The following KCNG2 variants were observed in gnomAD, a reference collection of about 807,000 sequenced individuals.
KCNG2 encodes potassium voltage-gated channel modifier subfamily G member 2, also known as voltage-gated potassium channel regulatory subunit KCNG2.
KCNG2 carries 7 observed loss-of-function variants against 12.3 expected under a neutral mutation model. The ratio of observed to expected loss-of-function variants is 0.57; its 90% CI spans 0.32 to 1.07. The LOEUF is 1.07. KCNG2 is among the 50% of genes least tolerant of loss of function. The probability of loss-of-function intolerance (pLI) is 0.04; values close to 1 mark genes in which losing one functional copy is unlikely to be tolerated. For synonymous variants in KCNG2, 414 were observed against 351.4 expected (o/e 1.18, Z -1.99); for missense variants, 703 against 726.0 (o/e 0.97, Z 0.36).
intron 3 of KCNG2, among the ~76,000 whole-genome samples, chr18:79,864,748 A>G (rs1481186920): frequency 6.6e-6 from 1 of 151,954 alleles, no homozygotes; most frequent in African/African-American, 2.4e-5. Flanking sequence ...GCTTCTGGCT[A>G]TGGAACCGAG....
At chr18:79,827,956 C>T (rs534527679) in intron 1 of KCNG2, among the ~76,000 whole-genome samples, 1 of 148,474 alleles carries the variant, frequency 6.7e-6, no homozygotes, top group Non-Finnish European at 1.5e-5. Flanking sequence ...TGTAGTCTCC[C>T]TCTGTTGCCC....
Position 79,843,008 on chromosome 18 carries a change from G to C in KCNG2, c.-114-13371G>C, listed in dbSNP as rs562310304. Among the ~76,000 whole-genome samples the C allele has an allele frequency of 3.9e-5, 6 of 152,210 alleles. No individual in the cohort carries two copies. In the East Asian group the frequency reaches 1.2e-3, roughly 29 times the overall value. On this transcript the variant is annotated intron_variant, in intron 1 of 3. Coordinates refer to ENST00000316249, the MANE Select transcript of KCNG2 (RefSeq NM_012283.2). ...AACATCCAGATCCATGAAGCCCAAA[G>C]AACCCCAAATAGATTAAACATAAAG... is the stretch of plus-strand genomic sequence containing the variant.
intron 1 of KCNG2, among the ~76,000 whole-genome samples, chr18:79,825,859 G>A (rs1048069854): frequency 2.6e-5 from 4 of 152,256 alleles, no homozygotes; most frequent in Admixed American, 2.6e-4. Context: ...ACCGTGCACT[G>A]TCAGCCTGTC....
intron 2 of KCNG2, among the ~76,000 whole-genome samples, chr18:79,859,599 T>A (rs1979140927): frequency 6.6e-6 from 1 of 152,026 alleles, no homozygotes; most frequent in Non-Finnish European, 1.5e-5. Context: ...CCCAAACCCC[T>A]CCCATTAGGC....
At position 79,899,490 on chromosome 18, in the gene KCNG2, A is replaced by G; in HGVS notation, c.1075A>G (p.Ser359Gly). Residue 359 changes from serine to glycine, a missense_variant, in exon 4 of 4, where the codon AGC (serine) becomes GGC (glycine). Transcript: ENST00000316249. ...CCGCGACTTCTCCAGCGTGCCCGCC[A>G]GCTATTGGTGGGCCGTCATCTCCAT... ...ARRDFSSVPA[S>G]YWWAVISMTT... 2 of 1,607,682 alleles carry G rather than the reference A, an allele frequency of 1.2e-6. No individual in the cohort carries two copies. Among genetic ancestry groups the G allele is most frequent in the Non-Finnish European group, 1.7e-6 (2 of 1,177,810 alleles).
At chr18:79,865,305 G>T (rs62103179) in intron 3 of KCNG2, among the ~76,000 whole-genome samples, 24 of 111,042 alleles carry the variant, frequency 2.2e-4, no homozygotes, top group East Asian at 5.9e-4. Context: ...CTGAGGTCTG[G>T]GTGCTGAGGT....
chr18:79,826,317 G>A (rs1347827106), intron 1 of KCNG2, among the ~76,000 whole-genome samples: 1 of 152,260 alleles, frequency 6.6e-6, no homozygotes, highest in Non-Finnish European at 1.5e-5. Flanking sequence ...GTGTGTGGAG[G>A]CCCCTCCAGA....
chr18:79,866,122 CTG>C (rs200673400), intron 3 of KCNG2, among the ~76,000 whole-genome samples: 2 of 136,632 alleles, frequency 1.5e-5, no homozygotes, highest in South Asian at 4.9e-4. Flanking sequence ...GCTGAGAGGT[CTG>C]TGTTCTGAGG....
chr18:79,878,467 G>A (rs1224371983), intron 3 of KCNG2, among the ~76,000 whole-genome samples: 2 of 107,150 alleles, frequency 1.9e-5, no homozygotes, highest in African/African-American at 6.3e-5. Flanking sequence ...TGATGCCCAC[G>A]TGGCAGTGTG....
intron 3 of KCNG2, among the ~76,000 whole-genome samples, chr18:79,892,239 T>C (rs1205875273): frequency 1.3e-5 from 2 of 152,242 alleles, no homozygotes; most frequent in Admixed American, 1.3e-4. Context: ...GTATTATTGG[T>C]GCATACATTT....
At position 79,800,940 on chromosome 18, in the gene KCNG2, G is replaced by A. The variant is rs1403484674; in HGVS notation, c.-115+2926G>A. 1.3e-5 allele frequency among the ~76,000 whole-genome samples: 2 copies of A among 152,250 alleles called. No individual in the cohort carries two copies. Among genetic ancestry groups the A allele is most frequent in the Non-Finnish European group, 2.9e-5 (2 of 68,050 alleles). On this transcript the variant is annotated intron_variant, in intron 1 of 3. Coordinates refer to ENST00000316249, the MANE Select transcript of KCNG2 (RefSeq NM_012283.2). This position sits in a 1 kb window ranked among gnomAD's most constrained non-coding sequence, Gnocchi z 4.0. ...TCAACAGCAGGTTCAGCCTTTTCAC[G>A]TGATGGGAGACCATGCCAGGCAGCT...
At chr18:79,820,534 T>C (rs1040700341) in intron 1 of KCNG2, among the ~76,000 whole-genome samples, 8 of 152,196 alleles carry the variant, frequency 5.3e-5, no homozygotes, top group African/African-American at 1.9e-4. Context: ...TTCCTAATGA[T>C]GAGTGATGCT....
intron 3 of KCNG2, among the ~76,000 whole-genome samples, chr18:79,895,775 T>C (rs199528451): frequency 1.3e-4 from 15 of 118,272 alleles, no homozygotes; most frequent in Non-Finnish European, 2.4e-4. Flanking sequence ...TGTGTCTGCT[T>C]TTCATTGGGT....
intron 3 of KCNG2, among the ~76,000 whole-genome samples, chr18:79,895,548 A>G (rs1743190951): frequency 6.7e-6 from 1 of 149,460 alleles, no homozygotes; most frequent in Non-Finnish European, 1.5e-5. Flanking sequence ...CTTCATTCAC[A>G]TCTAATGTTA....
At chr18:79,882,830 C>T (rs1297548924) in intron 3 of KCNG2, among the ~76,000 whole-genome samples, 1 of 151,256 alleles carries the variant, frequency 6.6e-6, no homozygotes, top group South Asian at 2.1e-4. Flanking sequence ...GCGCGGAGGC[C>T]GGGTACACCT....
At chr18:79,827,793 G>GATGCA (rs1978287292) in intron 1 of KCNG2, among the ~76,000 whole-genome samples, 1 of 152,168 alleles carries the variant, frequency 6.6e-6, no homozygotes. Flanking sequence ...GAAAAATACT[G>GATGCA]ATGCAAGTAA....
chr18:79,889,140 C>T (rs1482304905), intron 3 of KCNG2, among the ~76,000 whole-genome samples: 2 of 152,140 alleles, frequency 1.3e-5, no homozygotes, highest in Non-Finnish European at 2.9e-5. Context: ...CTTTGAGGCA[C>T]AAAAGTTTTT....
At position 79,899,738 on chromosome 18, in the gene KCNG2, GGACAGCTCGCAGGGCCCC is replaced by G; in HGVS notation, c.1330_1347del (p.Ser444_Ser449del). On this transcript the variant is annotated inframe_deletion, in exon 4 of 4. Coordinates refer to ENST00000316249, the MANE Select transcript of KCNG2 (RefSeq NM_012283.2). ...GCACGCACTCGGCCACAGCCACCGA[GGACAGCTCGCAGGGCCCC>G]GACAGCGCGGGCCTGGCCGACGACT... 6.3e-7 allele frequency: 1 copy of G among 1,594,010 alleles called. No individual in the cohort carries two copies. Among genetic ancestry groups the G allele is most frequent in the Middle Eastern group, 1.7e-4 (1 of 6,002 alleles).
chr18:79,806,973 C>T (rs1398434894), intron 1 of KCNG2, among the ~76,000 whole-genome samples: 3 of 152,184 alleles, frequency 2.0e-5, no homozygotes, highest in Non-Finnish European at 4.4e-5. Flanking sequence ...CTCAGATTTC[C>T]ACCAGGGGCA....
Sources: gnomAD v4.1 joint callset for allele counts (sites outside exome capture counted in the v4.1 genomes callset) on GRCh38, gnomAD v4.1.1 for gene constraint, Gnocchi (gnomAD v3.1) non-coding constraint, MANE v1.5 for transcripts, NCBI Gene and HGNC (gene_info 2026-07-23, HGNC 2026-07-21) for gene names.